COL5A1: variants seen among roughly 807,000 people sequenced by gnomAD.
The protein encoded by COL5A1 is collagen alpha-1(V) chain.
COL5A1 carries 16 observed loss-of-function variants against 263.7 expected under a neutral mutation model. That is an observed-to-expected ratio of 0.06 (90% CI 0.04 to 0.09). The LOEUF is 0.09. COL5A1 is among the 10% of genes least tolerant of loss of function. The probability of loss-of-function intolerance (pLI) is 1.00; values close to 1 mark genes in which losing one functional copy is unlikely to be tolerated. For synonymous variants in COL5A1, 1,012 were observed against 1,004.5 expected (o/e 1.01, Z -0.14); for missense variants, 2,036 against 2,540.5 (o/e 0.80, Z 4.27).
intron 4 of COL5A1, chr9:134,708,418 C>CG (rs1236783469): frequency 1.8e-5 from 7 of 382,826 alleles, no homozygotes; most frequent in African/African-American, 6.0e-5. Flanking sequence ...AGAGCAACTC[C>CG]CGGGGTGGGG....
chr9:134,790,352 A>C (rs1325391680), intron 32 of COL5A1, among the ~76,000 whole-genome samples: 3 of 139,880 alleles, frequency 2.1e-5, no homozygotes, highest in African/African-American at 5.4e-5. Flanking sequence ...CCACCCACCA[A>C]CCCATCCACC....
chr9:134,668,281 C>G lies in COL5A1; in HGVS notation c.110-22631C>G, dbSNP rs527338809. 4.6e-5 allele frequency among the ~76,000 whole-genome samples: 7 copies of G among 152,192 alleles called. No homozygotes were observed. In the South Asian group the frequency reaches 1.5e-3, roughly 32 times the overall value. ...CTGATCCAGCATGAGGCTTAAGGAG[C>G]CCTTTCAGAGGTAGCAATGTCTAAG... On this transcript the variant is annotated intron_variant, in intron 1 of 65. Transcript: ENST00000371817.
At chr9:134,763,904 G>T (rs1008400134) in intron 20 of COL5A1, among the ~76,000 whole-genome samples, 167 bp downstream of exon 20, 1 of 151,782 alleles carries the variant, frequency 6.6e-6, no homozygotes, top group Non-Finnish European at 1.5e-5. Context: ...AAAGAGAGGA[G>T]GCACAGGCGA....
At chr9:134,738,015 A>G (rs1357185445) in intron 9 of COL5A1, among the ~76,000 whole-genome samples, 1 of 152,170 alleles carries the variant, frequency 6.6e-6, no homozygotes, top group Non-Finnish European at 1.5e-5. Context: ...GGCTGGGGAC[A>G]GAAGTTCAGC....
At chr9:134,670,978 G>A (rs1832524439) in intron 1 of COL5A1, among the ~76,000 whole-genome samples, 2 of 152,244 alleles carry the variant, frequency 1.3e-5, no homozygotes, top group African/African-American at 4.8e-5. Context: ...ATGTCTGGAG[G>A]TGGCTGGTAG....
At chr9:134,803,454 A>G (rs1337449009) in intron 39 of COL5A1, among the ~76,000 whole-genome samples, 1 of 151,978 alleles carries the variant, frequency 6.6e-6, no homozygotes, top group African/African-American at 2.4e-5. Context: ...GGCCAACATG[A>G]CGAAACCCCA....
intron 28 of COL5A1, 84 bp downstream of exon 28, chr9:134,780,230 TC>T: frequency 7.5e-7 from 1 of 1,328,358 alleles, no homozygotes; most frequent in Non-Finnish European, 1.1e-6. Flanking sequence ...CAATGCTTCT[TC>T]CATGAAACCA....
chr9:134,654,880 G>C (rs1221414049), intron 1 of COL5A1, among the ~76,000 whole-genome samples: 2 of 129,918 alleles, frequency 1.5e-5, no homozygotes, highest in Admixed American at 1.6e-4. Flanking sequence ...AGGGCTGGGG[G>C]TGTGTAGGGC....
intron 65 of COL5A1, among the ~76,000 whole-genome samples, chr9:134,840,741 C>T (rs886495007): frequency 6.6e-6 from 1 of 152,160 alleles, no homozygotes; most frequent in Non-Finnish European, 1.5e-5. Flanking sequence ...CTGGTGAGCT[C>T]CCCTCTGGGC....
intron 1 of COL5A1, among the ~76,000 whole-genome samples, chr9:134,675,218 T>A (rs534023473): frequency 6.6e-6 from 1 of 152,264 alleles, no homozygotes; most frequent in Non-Finnish European, 1.5e-5. Context: ...AGTGTTAAAC[T>A]CCCATAGGAG....
Position 134,796,882 on chromosome 9 carries a change from C to T in COL5A1, c.2879C>T (p.Pro960Leu), listed in dbSNP as rs773641023. 2.5e-6 allele frequency: 4 copies of T among 1,614,098 alleles called. No individual in the cohort carries two copies. Among genetic ancestry groups the T allele is most frequent in the Non-Finnish European group, 3.4e-6 (4 of 1,180,016 alleles). The change falls in exon 36 of 66, where the codon CCT (proline) becomes CTT (leucine). Residue 960 changes from proline to leucine, a missense_variant. Around this residue, in one of 3 missense-constraint regions of COL5A1, gnomAD observed 1,078 missense variants for 1,521.4 expected, o/e 0.71. Transcript: ENST00000371817. ...PNGPQGPTGF[P>L]GPKGPPGPPG... ...GGACCCCAAGGACCCACAGGATTTCCTGGACCAAAGGGCCCCCCTGTAAGT... is the reference window on the plus strand; with the variant it reads ...GGACCCCAAGGACCCACAGGATTTCTTGGACCAAAGGGCCCCCCTGTAAGT...
In COL5A1 at chr9:134,817,904, A is replaced by C. The variant is rs567784552; in HGVS notation, c.4230+73A>C. ...GGAGCCCAGAGGGTGGGGAGTGGAC[A>C]AGCGTGTGGGCAGAGATGTCCATGG... On this transcript the variant is annotated intron_variant, in intron 54 of 65. Coordinates refer to ENST00000371817, the MANE Select transcript of COL5A1 (RefSeq NM_000093.5). 8.3e-6 allele frequency: 12 copies of C among 1,443,142 alleles called. No individual in the cohort carries two copies. The East Asian group carries it at 2.7e-4, about 33-fold the overall frequency. The allele number at this position is 1,443,142 out of a possible 1,614,324, so 89.4% of individuals were successfully genotyped here.
chr9:134,731,348 G>C, intron 7 of COL5A1, 148 bp from the exon 8 acceptor site: 1 of 822,546 alleles, frequency 1.2e-6, no homozygotes, highest in Non-Finnish European at 2.0e-6. Context: ...CCAGTTGACC[G>C]GGTAGCCATG....
chr9:134,714,392 G>A (rs961927882), intron 4 of COL5A1, among the ~76,000 whole-genome samples: 2 of 149,030 alleles, frequency 1.3e-5, no homozygotes, highest in African/African-American at 5.0e-5. Flanking sequence ...GGTAGTGATG[G>A]TGGTGGTGGT....
rs1437287344 is a variant in COL5A1, at chr9:134,758,406, C to T, written c.1935+110C>T. The stretch of plus-strand genomic sequence containing the variant: ...CAGATTTCCTGTGGGGTCAGGTCTC[C>T]GCCATTCCAACAGTCAGTATACAAA... On this transcript the variant is annotated intron_variant, in intron 18 of 65. Transcript: ENST00000371817. The surrounding 1 kb of genome is among the most constrained non-coding windows in gnomAD (Gnocchi z 4.1). 27 of 1,093,772 alleles carry T rather than the reference C, an allele frequency of 2.5e-5. No individual in the cohort carries two copies. The highest frequency in any genetic ancestry group is 2.0e-4 in the Middle Eastern group (1 of 5,128). 67.8% of individuals were successfully genotyped at this position (1,093,772 alleles called of 1,614,324 possible). A position where few individuals can be genotyped will look rare whatever the true frequency, so the allele number is the denominator to read the frequency against.
chr9:134,778,265 C>G (rs572037884), intron 27 of COL5A1, among the ~76,000 whole-genome samples: 1 of 152,344 alleles, frequency 6.6e-6, no homozygotes, highest in South Asian at 2.1e-4. Context: ...AGAAACCACT[C>G]GCCTCTCAGC....
At position 134,678,172 on chromosome 9, in the gene COL5A1, G is replaced by C. The variant is rs1005137543; in HGVS notation, c.110-12740G>C. On this transcript the variant is annotated intron_variant, in intron 1 of 65. Coordinates refer to ENST00000371817, the MANE Select transcript of COL5A1 (RefSeq NM_000093.5). The surrounding 1 kb of genome is among the most constrained non-coding windows in gnomAD (Gnocchi z 5.5). ...AGAGGAAAGATTTTGGACCCAAATG[G>C]ATGCTGTCTGAAACTCAGGTGGTCT... Among the ~76,000 whole-genome samples, 2 of 152,348 alleles carry C rather than the reference G, an allele frequency of 1.3e-5. No individual in the cohort carries two copies. Among genetic ancestry groups the C allele is most frequent in the African/African-American group, 4.8e-5 (2 of 41,576 alleles).
rs775974461 is a variant in COL5A1 at position 134,731,570 on chromosome 9, C to T, written c.1239C>T (p.Asp413=). The T allele has an allele frequency of 1.8e-5, 29 of 1,614,086 alleles. No homozygotes were observed. Among genetic ancestry groups the T allele is most frequent in the South Asian group, 6.6e-5 (6 of 91,092 alleles). ...CTGAGGAAACGATCCGGAACCTTGACGAGAACTACTACGACCCCTACTACG... is the reference window on the plus strand; with the variant it reads ...CTGAGGAAACGATCCGGAACCTTGATGAGAACTACTACGACCCCTACTACG... ...EFTEETIRNL[D]ENYYDPYYDP... Residue 413 remains aspartate, a synonymous_variant, in exon 8 of 66, where the codon GAC becomes GAT. Transcript: ENST00000371817.
chr9:134,731,136 A>G (rs1374942025), intron 7 of COL5A1, among the ~76,000 whole-genome samples: 3 of 152,226 alleles, frequency 2.0e-5, no homozygotes, highest in Admixed American at 6.5e-5. Context: ...CTCCACTGCC[A>G]GAGAGGACAC....
Sources: gnomAD v4.1 joint callset for allele counts (sites outside exome capture counted in the v4.1 genomes callset) on GRCh38, gnomAD v4.1.1 for gene constraint, gnomAD v4.1.1 regional missense constraint, Gnocchi (gnomAD v3.1) non-coding constraint, MANE v1.5 for transcripts, NCBI Gene and HGNC (gene_info 2026-07-23, HGNC 2026-07-21) for gene names.